The following EYS variants were observed in gnomAD, a reference collection of about 807,000 sequenced individuals.
The protein encoded by EYS is EGF-like photoreceptor maintenance factor, also known as protein eyes shut homolog.
EYS carries 250 observed loss-of-function variants against 282.1 expected under a neutral mutation model. The observed-to-expected ratio is 0.89, with a 90% CI of 0.80 to 0.98. The LOEUF is 0.98. Ranked by LOEUF, EYS falls within the 50% of genes least tolerant of loss-of-function variation. EYS has a pLI of 0.00. For synonymous variants in EYS, 1,355 were observed against 1,282.9 expected, an observed-to-expected ratio of 1.06 and a Z score of -1.20; for missense variants, 4,016 against 3,709.0, an observed-to-expected ratio of 1.08 and a Z score of -2.15.
At chr6:63,752,746 C>T (rs1407443937) in intron 41 of EYS, among the ~76,000 whole-genome samples, 4 of 152,002 alleles carry the variant, frequency 2.6e-5, no homozygotes, top group East Asian at 1.9e-4. Context: ...CCTCCTGCCT[C>T]GGCCTCCCAA....
At chr6:64,332,258 G>A (rs958292015) in intron 29 of EYS, among the ~76,000 whole-genome samples, 1 of 152,192 alleles carries the variant, frequency 6.6e-6, no homozygotes, top group African/African-American at 2.4e-5. Flanking sequence ...GTGTTCGGCT[G>A]ACCACCCTCA....
chr6:64,695,278 AC>A (rs202093017), intron 22 of EYS, among the ~76,000 whole-genome samples: 43 of 152,178 alleles, frequency 2.8e-4, no homozygotes, highest in African/African-American at 9.9e-4. Flanking sequence ...GCTGACTCCC[AC>A]CTGAAAGCAC....
At chr6:64,672,436 T>C (rs1769496859) in intron 22 of EYS, among the ~76,000 whole-genome samples, 1 of 152,170 alleles carries the variant, frequency 6.6e-6, no homozygotes, top group Non-Finnish European at 1.5e-5. Flanking sequence ...TAGACTAGGA[T>C]TCTAATTTAG....
chr6:64,950,658 T>C (rs184842762), intron 14 of EYS, among the ~76,000 whole-genome samples: 254 of 150,496 alleles, frequency 1.7e-3, no homozygotes, highest in African/African-American at 6.1e-3. Context: ...AAATTTCTTT[T>C]AGCAAATGAA....
At chr6:63,893,866 T>C (rs1773468478) in intron 35 of EYS, among the ~76,000 whole-genome samples, 1 of 152,218 alleles carries the variant, frequency 6.6e-6, no homozygotes, top group Admixed American at 6.5e-5. Flanking sequence ...TGATCAATCC[T>C]ATTTGAAATT....
At chr6:64,186,316 G>A (rs967907124) in intron 31 of EYS, among the ~76,000 whole-genome samples, 4 of 151,686 alleles carry the variant, frequency 2.6e-5, no homozygotes, top group African/African-American at 9.7e-5. Flanking sequence ...TCAAAATCAT[G>A]TTTAAAGAAA....
intron 23 of EYS, among the ~76,000 whole-genome samples, chr6:64,621,931 T>C (rs1291191966): frequency 6.6e-6 from 1 of 152,210 alleles, no homozygotes; most frequent in African/African-American, 2.4e-5. Context: ...CTGGGTGTTC[T>C]ACATTGTTAG....
At chr6:65,692,696 G>A (rs1376053338) in intron 1 of EYS, among the ~76,000 whole-genome samples, 2 of 149,700 alleles carry the variant, frequency 1.3e-5, no homozygotes, top group Non-Finnish European at 1.5e-5. Context: ...GTTCTAACAC[G>A]ACATGTAGTA....
intron 15 of EYS, among the ~76,000 whole-genome samples, chr6:64,927,088 G>A (rs16896055): frequency 0.032 from 4,939 of 152,260 alleles, 138 homozygotes; most frequent in East Asian, 0.13. Flanking sequence ...ATGTTCAAAT[G>A]CACATCTTTT....
At chr6:64,956,735 A>G (rs1465240436) in intron 14 of EYS, among the ~76,000 whole-genome samples, 2 of 152,204 alleles carry the variant, frequency 1.3e-5, no homozygotes, top group Non-Finnish European at 2.9e-5. Flanking sequence ...ACAATTTTAT[A>G]GGAAAAAAAC....
chr6:65,463,030 G>T (rs1233214275), intron 5 of EYS, among the ~76,000 whole-genome samples: 1 of 151,864 alleles, frequency 6.6e-6, no homozygotes, highest in Non-Finnish European at 1.5e-5. Flanking sequence ...TTCTATTCCT[G>T]CCCTCATCTC....
intron 29 of EYS, among the ~76,000 whole-genome samples, chr6:64,383,964 C>G (rs775976741): frequency 2.6e-5 from 4 of 152,082 alleles, no homozygotes; most frequent in Non-Finnish European, 4.4e-5. Context: ...ACTTGATAAG[C>G]TGGGACAAGT....
intron 24 of EYS, among the ~76,000 whole-genome samples, chr6:64,616,035 G>T (rs1306906960): frequency 1.3e-5 from 2 of 151,936 alleles, no homozygotes; most frequent in Non-Finnish European, 2.9e-5. Flanking sequence ...ACATATACCA[G>T]GAGATTAACT....
chr6:64,082,173 T>C (rs1771995515), intron 31 of EYS, among the ~76,000 whole-genome samples, 171 bp from the exon 32 acceptor site: 1 of 152,134 alleles, frequency 6.6e-6, no homozygotes, highest in African/African-American at 2.4e-5. Flanking sequence ...TTTATATTTA[T>C]TGCCTCAAAT....
At chr6:64,388,954 T>C in intron 28 of EYS, 114 bp from the exon 29 acceptor site, 1 of 707,838 alleles carries the variant, frequency 1.4e-6, no homozygotes, top group Non-Finnish European at 2.1e-6. Context: ...TATTTCACAA[T>C]AAAACAAAGC....
At chr6:65,312,020 A>T (rs958017335) in intron 11 of EYS, among the ~76,000 whole-genome samples, 1 of 151,966 alleles carries the variant, frequency 6.6e-6, no homozygotes, top group Non-Finnish European at 1.5e-5. Context: ...TATATATAGG[A>T]TATAGCCAGT....
Position 64,821,708 on chromosome 6 carries a change from A to C in EYS, c.3180T>G (p.Ile1060Met). ...CATCACATGAACATGGATATTCATTAATAAGTTCTGTGCACCTGAAACACA... is the reference window on the plus strand; with the variant it reads ...CATCACATGAACATGGATATTCATTCATAAGTTCTGTGCACCTGAAACACA... ...PCLHGRCTELINEYPCSCDAD... is the reference protein window; with the variant it reads ...PCLHGRCTELMNEYPCSCDAD... The change falls in exon 21 of 43, where the codon ATT becomes ATG. Residue 1060 changes from isoleucine to methionine, a missense_variant. Ile to Met is a conservative substitution (Grantham distance 10). Coordinates refer to ENST00000503581, the MANE Select transcript of EYS (RefSeq NM_001142800.2). The C allele has an allele frequency of 2.0e-6, 3 of 1,522,488 alleles. No homozygotes were observed. Among genetic ancestry groups the C allele is most frequent in the Non-Finnish European group, 2.7e-6 (3 of 1,123,460 alleles). 94.3% of individuals were successfully genotyped at this position (1,522,488 alleles called of 1,614,324 possible).
intron 2 of EYS, among the ~76,000 whole-genome samples, chr6:65,586,099 T>A (rs1271621731): frequency 6.6e-6 from 1 of 151,998 alleles, no homozygotes; most frequent in Non-Finnish European, 1.5e-5. Flanking sequence ...TTCTTTATGG[T>A]TTCAGGAATG....
At chr6:65,674,066 G>T (rs952006386) in intron 1 of EYS, among the ~76,000 whole-genome samples, 2 of 151,754 alleles carry the variant, frequency 1.3e-5, no homozygotes, top group African/African-American at 2.4e-5. Flanking sequence ...AGGCTTAATT[G>T]TGCAGAAGAA....
Sources: gnomAD v4.1 joint callset for allele counts (sites outside exome capture counted in the v4.1 genomes callset) on GRCh38, gnomAD v4.1.1 for gene constraint, MANE v1.5 for transcripts, NCBI Gene and HGNC (gene_info 2026-07-23, HGNC 2026-07-21) for gene names.